Variants in BDH1 observed in about 807,000 individuals in gnomAD.
The protein encoded by BDH1 is D-beta-hydroxybutyrate dehydrogenase, mitochondrial.
A neutral mutation model predicts 33.1 loss-of-function variants in BDH1; 30 were observed. That is an observed-to-expected ratio of 0.91 (90% confidence interval 0.68 to 1.23). BDH1 has a LOEUF of 1.23. BDH1 is among the 50% of genes most tolerant of loss of function. The pLI is 0.00. For missense variants in BDH1, 443 were observed against 464.4 expected (o/e 0.95, Z 0.42); for synonymous variants, 190 against 183.6 (o/e 1.03, Z -0.28).
rs1713601447 is a variant in BDH1 at position 197,522,009 on chromosome 3, C to T, written c.409+631G>A. Among the ~76,000 whole-genome samples the T allele has an allele frequency of 6.6e-6, 1 of 152,146 alleles. No individual in the cohort carries two copies. The highest frequency in any genetic ancestry group is 1.9e-4 in the East Asian group (1 of 5,194). The stretch of plus-strand genomic sequence containing the variant: ...CCTCCCTCCCCAACCTCCTTTGCTG[C>T]CACCCCCTCTGCGTGACCTGACCCA... On this transcript the variant is annotated intron_variant, in intron 6 of 7. Transcript: ENST00000392379. This position sits in a 1 kb window ranked among gnomAD's most constrained non-coding sequence, Gnocchi z 4.8.
upstream of BDH1, among the ~76,000 whole-genome samples, chr3:197,556,840 A>T (rs1268592093): frequency 6.6e-6 from 1 of 152,190 alleles, no homozygotes; most frequent in African/African-American, 2.4e-5. Flanking sequence ...CTCAGTTTCC[A>T]GGATGAGAAA....
intron 7 of BDH1, 70 bp from the exon 8 acceptor site, chr3:197,512,434 T>A (rs768290470): frequency 1.3e-6 from 2 of 1,496,362 alleles, no homozygotes; most frequent in Non-Finnish European, 1.8e-6. Flanking sequence ...AAGTCTGGCA[T>A]GTCTCTAGAG....
rs1716831177 is a variant in BDH1 at position 197,554,494 on chromosome 3, G to A, written c.-44+68C>T. On this transcript the variant is annotated intron_variant, in intron 2 of 7. Transcript: ENST00000392379. This position sits in a 1 kb window ranked among gnomAD's most constrained non-coding sequence, Gnocchi z 4.4. ...AATTTCAAGGGTCAGCTTCCTTGGC[G>A]GCCAGGGATATATACGCCCTATGCA... is the stretch of plus-strand genomic sequence containing the variant. 1 of 152,250 alleles carries A rather than the reference G, an allele frequency of 6.6e-6. No individual in the cohort carries two copies. Among genetic ancestry groups the A allele is most frequent in the African/African-American group, 2.4e-5 (1 of 41,456 alleles). The allele number at this position is 152,250 out of a possible 1,614,324, so 9.4% of individuals were successfully genotyped here.
chr3:197,557,690 C>A (rs1396787231), upstream of BDH1, among the ~76,000 whole-genome samples: 4 of 152,202 alleles, frequency 2.6e-5, no homozygotes, highest in African/African-American at 9.7e-5. The surrounding 1 kb of genome is among the most constrained non-coding windows in gnomAD (Gnocchi z 4.6). Context: ...GCATTCCAGC[C>A]TGGGCAACAG....
chr3:197,560,232 A>G (rs1717214884), upstream of BDH1, among the ~76,000 whole-genome samples: 1 of 152,258 alleles, frequency 6.6e-6, no homozygotes, highest in Non-Finnish European at 1.5e-5. Flanking sequence ...CTGTGCTAAC[A>G]TTCTTAAAAT....
At chr3:197,539,216 T>C (rs1715399624) in intron 3 of BDH1, among the ~76,000 whole-genome samples, 1 of 152,194 alleles carries the variant, frequency 6.6e-6, no homozygotes, top group Admixed American at 6.5e-5. Flanking sequence ...TGGCGCGATC[T>C]TGGCTCGCTG....
At chr3:197,529,759 T>C (rs146073112) in intron 5 of BDH1, 139 of 152,372 alleles carry the variant, frequency 9.1e-4, no homozygotes, top group African/African-American at 2.9e-3. Flanking sequence ...TGATTTCTTT[T>C]ACTTGTTTAT....
intron 3 of BDH1, chr3:197,543,054 C>T (rs1715787551): frequency 1.0e-6 from 1 of 985,438 alleles, no homozygotes; most frequent in South Asian, 4.7e-5. Context: ...CTGGCTTCTT[C>T]TCTATCTTAC....
intron 3 of BDH1, among the ~76,000 whole-genome samples, chr3:197,544,228 A>ACCCTACGACATT (rs1359617564): frequency 8.6e-5 from 13 of 151,834 alleles, no homozygotes; most frequent in African/African-American, 3.1e-4. Context: ...CCATACCTTC[A>ACCCTACGACATT]CCCTACGACA....
rs191811009 is a variant in BDH1, at chr3:197,522,410, A to C, written c.409+230T>G. Among the ~76,000 whole-genome samples, 224 of 152,294 alleles carry C rather than the reference A, an allele frequency of 1.5e-3. No homozygotes were observed. The highest frequency in any genetic ancestry group is 5.1e-3 in the African/African-American group (212 of 41,578). The stretch of plus-strand genomic sequence containing the variant: ...AACTGACCTGAATCAGTGCGTAGCC[A>C]CCTAGCACTCCGTGAACTCTGAAAT... On this transcript the variant is annotated intron_variant, in intron 6 of 7. Transcript: ENST00000392379. This position sits in a 1 kb window ranked among gnomAD's most constrained non-coding sequence, Gnocchi z 4.8.
Position 197,516,513 on chromosome 3 carries a change from C to G in BDH1, c.410-2097G>C, listed in dbSNP as rs1022874156. On this transcript the variant is annotated intron_variant, in intron 6 of 7. Coordinates refer to ENST00000392379, the MANE Select transcript of BDH1 (RefSeq NM_203314.3). This position sits in a 1 kb window ranked among gnomAD's most constrained non-coding sequence, Gnocchi z 4.2. ...GAATAAACTCACGGAGGCATGCCCG[C>G]TGGTTGGGTGACAGCAACTTTCCTG... Among the ~76,000 whole-genome samples, 9 of 152,114 alleles carry G rather than the reference C, an allele frequency of 5.9e-5. No individual in the cohort carries two copies. Among genetic ancestry groups the G allele is most frequent in the African/African-American group, 2.2e-4 (9 of 41,408 alleles).
intron 1 of BDH1, among the ~76,000 whole-genome samples, chr3:197,561,038 T>A (rs560505351): frequency 7.9e-4 from 120 of 152,332 alleles, no homozygotes; most frequent in Non-Finnish European, 1.3e-3. Context: ...GCACATGTCA[T>A]CAGGACCTCC....
At chr3:197,567,707 T>C (rs1176082826) in intron 1 of BDH1, among the ~76,000 whole-genome samples, 1 of 152,056 alleles carries the variant, frequency 6.6e-6, no homozygotes, top group Non-Finnish European at 1.5e-5. Context: ...CTGTCTGAGA[T>C]TTTGGGGGTT....
chr3:197,543,643 G>C (rs1715845888), intron 3 of BDH1, among the ~76,000 whole-genome samples: 1 of 152,254 alleles, frequency 6.6e-6, no homozygotes, highest in South Asian at 2.1e-4. Context: ...GGAGCCATGT[G>C]TACTGGGTGA....
At chr3:197,556,530 C>T (rs1055781473), upstream of BDH1, among the ~76,000 whole-genome samples, 1 of 152,048 alleles carries the variant, frequency 6.6e-6, no homozygotes, top group African/African-American at 2.4e-5. Context: ...TAGCAGGGCG[C>T]GGTGGCGCAC....
intron 2 of BDH1, among the ~76,000 whole-genome samples, chr3:197,549,975 T>TTTTATA (rs1553875240): frequency 1.8e-4 from 27 of 146,890 alleles, no homozygotes; most frequent in Non-Finnish European, 1.0e-4. Flanking sequence ...CAAATAACTA[T>TTTTATA]TATATATATA....
intron 1 of BDH1, among the ~76,000 whole-genome samples, chr3:197,566,244 G>A (rs1717428080): frequency 1.3e-5 from 2 of 152,210 alleles, no homozygotes; most frequent in Non-Finnish European, 2.9e-5. Context: ...TTTTACTAAA[G>A]TTTTGACTGG....
chr3:197,533,455 C>T, intron 4 of BDH1, 34 bp downstream of exon 4: 1 of 1,608,502 alleles, frequency 6.2e-7, no homozygotes, highest in Non-Finnish European at 8.5e-7. Context: ...TCTGACCATC[C>T]AACTGGCTCC....
At chr3:197,572,181 C>T (rs2108779699) in intron 1 of BDH1, among the ~76,000 whole-genome samples, 1 of 152,218 alleles carries the variant, frequency 6.6e-6, no homozygotes, top group East Asian at 1.9e-4. Context: ...TCTTAAGGAA[C>T]TCCCCAGACC....
Sources: gnomAD v4.1 joint callset for allele counts (sites outside exome capture counted in the v4.1 genomes callset) on GRCh38, gnomAD v4.1.1 for gene constraint, Gnocchi (gnomAD v3.1) non-coding constraint, MANE v1.5 for transcripts, NCBI Gene and HGNC (gene_info 2026-07-23, HGNC 2026-07-21) for gene names.